Variants in GPR137C observed in about 807,000 individuals in gnomAD.
GPR137C encodes G protein-coupled receptor 137C.
In GPR137C, 27 loss-of-function variants were observed where a neutral mutation model predicts 43.4. That is an observed-to-expected ratio of 0.62 (90% CI 0.46 to 0.86). The LOEUF is 0.86. GPR137C is among the 40% of genes least tolerant of loss of function. The pLI, the probability that GPR137C is intolerant of heterozygous loss-of-function variation, is 0.00. For synonymous variants in GPR137C, 285 were observed against 226.9 expected, an observed-to-expected ratio of 1.26 and a Z score of -2.30; for missense variants, 522 against 534.6, an observed-to-expected ratio of 0.98 and a Z score of 0.23.
chr14:52,585,225 T>C (rs2038697741), intron 1 of GPR137C, among the ~76,000 whole-genome samples: 1 of 152,216 alleles, frequency 6.6e-6, no homozygotes, highest in Non-Finnish European at 1.5e-5. Flanking sequence ...TGTAAATTAT[T>C]TTAAATTTTC....
chr14:52,615,624 C>T (rs778402694), intron 3 of GPR137C, among the ~76,000 whole-genome samples: 3 of 151,990 alleles, frequency 2.0e-5, no homozygotes, highest in Non-Finnish European at 4.4e-5. Context: ...ATTTGGTGTC[C>T]TCTTCAGTTC....
intron 1 of GPR137C, 74 bp downstream of exon 1, chr14:52,553,665 C>A: frequency 8.4e-7 from 1 of 1,183,588 alleles, no homozygotes; most frequent in Non-Finnish European, 1.2e-6. Flanking sequence ...CGCTGAGGAC[C>A]AGCGGGGGCG....
At chr14:52,595,328 G>A (rs1246901774) in intron 1 of GPR137C, among the ~76,000 whole-genome samples, 1 of 152,044 alleles carries the variant, frequency 6.6e-6, no homozygotes, top group African/African-American at 2.4e-5. Context: ...GTATCTTTGT[G>A]GTGTTCTCTG....
At chr14:52,579,355 C>T (rs536763425) in intron 1 of GPR137C, among the ~76,000 whole-genome samples, 20 of 152,168 alleles carry the variant, frequency 1.3e-4, no homozygotes, top group Non-Finnish European at 2.6e-4. Flanking sequence ...GGCATTTGCC[C>T]AGGGTATGGA....
chr14:52,588,760 G>A lies in GPR137C; in HGVS notation c.445-9512G>A, dbSNP rs537335360. On this transcript the variant is annotated intron_variant, in intron 1 of 6. Transcript: ENST00000321662. ...GGAATGATTGGAAAAATATGAATAA[G>A]GTCTGAAAATTACATGATAGTATAC... Among the ~76,000 whole-genome samples, 9 of 152,000 alleles carry A rather than the reference G, an allele frequency of 5.9e-5. No individual in the cohort carries two copies. The East Asian group carries it at 1.7e-3, about 29-fold the overall frequency.
chr14:52,573,697 G>C (rs1167810061), intron 1 of GPR137C, among the ~76,000 whole-genome samples: 1 of 152,192 alleles, frequency 6.6e-6, no homozygotes, highest in South Asian at 2.1e-4. Context: ...CAAAAGCAAT[G>C]GCAACAAAAG....
chr14:52,575,226 G>T (rs1161250445), intron 1 of GPR137C, among the ~76,000 whole-genome samples: 5 of 151,936 alleles, frequency 3.3e-5, no homozygotes, highest in Admixed American at 1.3e-4. Context: ...GAAAATTTTA[G>T]TTATTTATAC....
chr14:52,554,207 C>T (rs1364683823), intron 1 of GPR137C, among the ~76,000 whole-genome samples: 1 of 152,194 alleles, frequency 6.6e-6, no homozygotes, highest in Non-Finnish European at 1.5e-5. Flanking sequence ...TAAGGACCTC[C>T]ATAAAGCCCT....
chr14:52,556,313 A>G (rs894255902), intron 1 of GPR137C, among the ~76,000 whole-genome samples: 2 of 152,040 alleles, frequency 1.3e-5, no homozygotes, highest in Non-Finnish European at 2.9e-5. Flanking sequence ...AACAAACTCT[A>G]CTACTTTGAA....
chr14:52,585,156 T>C (rs2038696970), intron 1 of GPR137C, among the ~76,000 whole-genome samples: 1 of 152,252 alleles, frequency 6.6e-6, no homozygotes. Flanking sequence ...TCCTTCTCGA[T>C]ATCAAAATAT....
intron 1 of GPR137C, among the ~76,000 whole-genome samples, chr14:52,563,448 C>G (rs191871480): frequency 6.6e-6 from 1 of 152,262 alleles, no homozygotes; most frequent in African/African-American, 2.4e-5. Flanking sequence ...TCAACATGAT[C>G]TTTCTTCCTC....
At chr14:52,619,326 G>C (rs945663720) in intron 3 of GPR137C, among the ~76,000 whole-genome samples, 33 of 152,246 alleles carry the variant, frequency 2.2e-4, no homozygotes, top group Non-Finnish European at 2.9e-5. Flanking sequence ...AATTTGGAGA[G>C]AGTGATGGTA....
intron 1 of GPR137C, among the ~76,000 whole-genome samples, chr14:52,595,921 T>A (rs2038848708): frequency 6.6e-6 from 1 of 152,200 alleles, no homozygotes; most frequent in Non-Finnish European, 1.5e-5. Context: ...AATTTTCAGC[T>A]TTTGTGTTCT....
At chr14:52,554,043 G>A (rs2038149507) in intron 1 of GPR137C, among the ~76,000 whole-genome samples, 1 of 152,212 alleles carries the variant, frequency 6.6e-6, no homozygotes, top group South Asian at 2.1e-4. Flanking sequence ...ACCAGGCAGA[G>A]CTGTTCCTCT....
At chr14:52,590,611 T>G in intron 1 of GPR137C, among the ~76,000 whole-genome samples, 1 of 152,154 alleles carries the variant, frequency 6.6e-6, no homozygotes. Context: ...TATACCACAT[T>G]TTTACTGTAT....
chr14:52,581,543 A>G (rs977863667), intron 1 of GPR137C, among the ~76,000 whole-genome samples: 1 of 152,092 alleles, frequency 6.6e-6, no homozygotes, highest in Non-Finnish European at 1.5e-5. Flanking sequence ...CAAAAAAAAA[A>G]AAAGAAAGAA....
chr14:52,594,129 G>C (rs901077588), intron 1 of GPR137C, among the ~76,000 whole-genome samples: 6 of 152,140 alleles, frequency 3.9e-5, no homozygotes, highest in African/African-American at 1.4e-4. Flanking sequence ...TTTCCATGTA[G>C]TTGTGCAGTT....
intron 3 of GPR137C, chr14:52,612,293 A>G (rs910413301): frequency 6.6e-6 from 6 of 912,596 alleles, no homozygotes; most frequent in Non-Finnish European, 7.9e-6. Flanking sequence ...TTATACTAGT[A>G]AAGGATTTTC....
chr14:52,619,559 C>T lies in GPR137C; in HGVS notation c.718-12601C>T, dbSNP rs75503938. On this transcript the variant is annotated intron_variant, in intron 3 of 6. Coordinates refer to ENST00000321662, the MANE Select transcript of GPR137C (RefSeq NM_001099652.2). ...CTGTTGCTGAGCTGACCCACCACAC[C>T]TTGTCCCATTTGAAAGATCCTTGCT... is the stretch of plus-strand genomic sequence containing the variant. Among the ~76,000 whole-genome samples, 584 of 152,260 alleles carry T rather than the reference C, an allele frequency of 3.8e-3. 11 individuals are homozygous for T. The East Asian group carries it at 0.073, about 19-fold the overall frequency.
Sources: gnomAD v4.1 joint callset for allele counts (sites outside exome capture counted in the v4.1 genomes callset) on GRCh38, gnomAD v4.1.1 for gene constraint, MANE v1.5 for transcripts, NCBI Gene and HGNC (gene_info 2026-07-23, HGNC 2026-07-21) for gene names.